ALK: variants seen among roughly 807,000 people sequenced by gnomAD.
ALK encodes the protein ALK receptor tyrosine kinase, also known as ALK tyrosine kinase receptor.
In ALK, 74 loss-of-function variants were observed where a neutral mutation model predicts 163.1. The observed-to-expected ratio is 0.45, with a 90% CI of 0.38 to 0.55. The LOEUF (loss-of-function observed/expected upper bound fraction) is 0.55, where lower values mean the gene tolerates loss of function less well. Ranked by LOEUF, ALK falls within the 20% of genes least tolerant of loss-of-function variation. The pLI is 0.00. For missense variants in ALK, 2,063 were observed against 2,105.3 expected, an observed-to-expected ratio of 0.98 and a Z score of 0.39; for synonymous variants, 960 against 843.2, an observed-to-expected ratio of 1.14 and a Z score of -2.40.
At chr2:29,552,464 G>A (rs1017893453) in intron 3 of ALK, among the ~76,000 whole-genome samples, 7 of 152,108 alleles carry the variant, frequency 4.6e-5, no homozygotes, top group East Asian at 1.9e-4. Context: ...ACATTCCCAC[G>A]AGCAATACAC....
chr2:29,555,576 C>A (rs1249207522), intron 3 of ALK, among the ~76,000 whole-genome samples: 1 of 152,208 alleles, frequency 6.6e-6, no homozygotes, highest in Non-Finnish European at 1.5e-5. Flanking sequence ...TCTCTCCTTC[C>A]CCTTCCCTTG....
chr2:29,738,230 C>G (rs1679948885), intron 1 of ALK, among the ~76,000 whole-genome samples: 1 of 151,860 alleles, frequency 6.6e-6, no homozygotes, highest in Admixed American at 6.6e-5. Flanking sequence ...GAGCATCACG[C>G]CAAAAAGTCC....
chr2:29,819,952 A>C (rs1665004241), intron 1 of ALK, among the ~76,000 whole-genome samples: 1 of 152,258 alleles, frequency 6.6e-6, no homozygotes, highest in Non-Finnish European at 1.5e-5. Context: ...ATTTGGCACA[A>C]GACAGGAAAA....
At chr2:29,815,831 C>A (rs1463180306) in intron 1 of ALK, among the ~76,000 whole-genome samples, 2 of 152,180 alleles carry the variant, frequency 1.3e-5, no homozygotes, top group Non-Finnish European at 2.9e-5. Context: ...CATATACACT[C>A]TTTCTCCTGG....
chr2:29,687,557 T>TA (rs1036127332), intron 3 of ALK, among the ~76,000 whole-genome samples: 68 of 152,304 alleles, frequency 4.5e-4, no homozygotes, highest in African/African-American at 1.6e-3. Context: ...TAGCATGTTT[T>TA]ATCTTATTAT....
chr2:29,799,277 G>A (rs1047753466), intron 1 of ALK, among the ~76,000 whole-genome samples: 1 of 152,188 alleles, frequency 6.6e-6, no homozygotes, highest in East Asian at 1.9e-4. Flanking sequence ...TTGAAATCCA[G>A]CAAGGGCACC....
At chr2:29,503,177 T>G (rs145079469) in intron 4 of ALK, among the ~76,000 whole-genome samples, 1 of 152,360 alleles carries the variant, frequency 6.6e-6, no homozygotes, top group Admixed American at 6.5e-5. Flanking sequence ...TATTTTATTT[T>G]CATCTTAAAC....
chr2:29,326,436 T>C lies in ALK; in HGVS notation c.1414+1914A>G, dbSNP rs190336764. On this transcript the variant is annotated intron_variant, in intron 6 of 28. Transcript: ENST00000389048. ...AGCTGGGAAGTAGGTATCAAAAAAC[T>C]TGAAAAAGGCAATCGCGAAATCACA... is the stretch of plus-strand genomic sequence containing the variant. 1.6e-3 allele frequency among the ~76,000 whole-genome samples: 249 copies of C among 152,292 alleles called. 3 individuals carry two copies. The highest frequency in any genetic ancestry group is 5.7e-3 in the African/African-American group (235 of 41,566).
At chr2:29,295,856 T>C (rs1666161361) in intron 9 of ALK, among the ~76,000 whole-genome samples, 1 of 152,172 alleles carries the variant, frequency 6.6e-6, no homozygotes, top group Non-Finnish European at 1.5e-5. Context: ...TTTTAGCCCA[T>C]AAAAGATGGC....
chr2:29,662,046 A>C (rs1439783148), intron 3 of ALK, among the ~76,000 whole-genome samples: 1 of 152,042 alleles, frequency 6.6e-6, no homozygotes, highest in Non-Finnish European at 1.5e-5. Context: ...AGTAGCTGGT[A>C]CTACAGGCGT....
chr2:29,604,533 G>C (rs1231340931), intron 3 of ALK, among the ~76,000 whole-genome samples: 1 of 152,138 alleles, frequency 6.6e-6, no homozygotes, highest in Non-Finnish European at 1.5e-5. Context: ...AGGTTTTCTA[G>C]GTATCTGGGA....
intron 3 of ALK, among the ~76,000 whole-genome samples, chr2:29,646,352 T>C (rs1327552592): frequency 1.3e-5 from 2 of 152,148 alleles, no homozygotes; most frequent in African/African-American, 4.8e-5. Flanking sequence ...GTCTTTTTCT[T>C]GCTTAGTTTC....
intron 3 of ALK, among the ~76,000 whole-genome samples, chr2:29,670,380 G>A (rs1470709416): frequency 6.6e-6 from 1 of 151,980 alleles, no homozygotes; most frequent in Non-Finnish European, 1.5e-5. Flanking sequence ...TGAGAAGTCT[G>A]TTACCAGATG....
At chr2:29,806,680 G>T (rs1252923605) in intron 1 of ALK, among the ~76,000 whole-genome samples, 5 of 152,196 alleles carry the variant, frequency 3.3e-5, no homozygotes, top group Non-Finnish European at 7.3e-5. Context: ...AGGACTTAAA[G>T]CCTTCCGGGG....
intron 15 of ALK, among the ~76,000 whole-genome samples, chr2:29,229,793 TCA>T: frequency 6.6e-6 from 1 of 152,186 alleles, no homozygotes; most frequent in South Asian, 2.1e-4. Context: ...ACACCTGGGC[TCA>T]GCCTGCTTAG....
chr2:29,532,185 G>A (rs2148158942), intron 3 of ALK, 69 bp from the exon 4 acceptor site: 4 of 1,435,676 alleles, frequency 2.8e-6, no homozygotes, highest in Non-Finnish European at 3.9e-6. Flanking sequence ...TCTGTGGCAA[G>A]ACTTAGAGAC....
chr2:29,656,344 T>C (rs1677184499), intron 3 of ALK, among the ~76,000 whole-genome samples: 1 of 152,150 alleles, frequency 6.6e-6, no homozygotes, highest in East Asian at 1.9e-4. Context: ...AATTTTAAAG[T>C]ATCTCAACTG....
intron 1 of ALK, among the ~76,000 whole-genome samples, chr2:29,779,199 G>C (rs1042615024): frequency 6.6e-6 from 1 of 152,058 alleles, no homozygotes; most frequent in Non-Finnish European, 1.5e-5. Context: ...AAAACCTTGA[G>C]GTGGTTTTAC....
intron 5 of ALK, among the ~76,000 whole-genome samples, chr2:29,338,539 C>G (rs912987166): frequency 1.3e-5 from 2 of 152,250 alleles, no homozygotes; most frequent in African/African-American, 2.4e-5. Context: ...TTGGATGCCA[C>G]TTTCCCCAAC....
Sources: gnomAD v4.1 joint callset for allele counts (sites outside exome capture counted in the v4.1 genomes callset) on GRCh38, gnomAD v4.1.1 for gene constraint, MANE v1.5 for transcripts, NCBI Gene and HGNC (gene_info 2026-07-23, HGNC 2026-07-21) for gene names.